The following ARPP21 variants were observed in gnomAD, a reference collection of about 807,000 sequenced individuals.
ARPP21 encodes the protein cAMP regulated phosphoprotein 21.
A neutral mutation model predicts 113.2 loss-of-function variants in ARPP21; 69 were observed. The observed-to-expected ratio is 0.61, with a 90% CI of 0.50 to 0.74. The LOEUF (loss-of-function observed/expected upper bound fraction) is 0.74. Ranked by LOEUF, ARPP21 falls within the 30% of genes least tolerant of loss-of-function variation. The pLI is 0.00. For missense variants in ARPP21, 1,070 were observed against 1,037.4 expected, an observed-to-expected ratio of 1.03 and a Z score of -0.43; for synonymous variants, 368 against 375.5, an observed-to-expected ratio of 0.98 and a Z score of 0.23.
At chr3:35,712,514 CTG>C (rs10579469) in intron 11 of ARPP21, among the ~76,000 whole-genome samples, 30,861 of 132,734 alleles carry the variant, frequency 0.23, 3,754 homozygotes, top group East Asian at 0.36. Flanking sequence ...TCTAAGGTGT[CTG>C]TGTGTGTGTG....
intron 14 of ARPP21, among the ~76,000 whole-genome samples, chr3:35,727,176 A>G (rs2093599701): frequency 6.6e-6 from 1 of 152,224 alleles, no homozygotes; most frequent in Non-Finnish European, 1.5e-5. Flanking sequence ...AGTCATGGGG[A>G]AAGCAAGAGA....
In ARPP21 at chr3:35,738,112, T is replaced by C. The variant is rs1474032085; in HGVS notation, c.1645-102T>C. 2.9e-4 allele frequency: 200 copies of C among 693,440 alleles called. 1 individual carries two copies. The South Asian group carries it at 3.4e-3, about 12-fold the overall frequency. 43.0% of individuals were successfully genotyped at this position (693,440 alleles called of 1,614,324 possible). Reference sequence around the variant, plus strand: ...TGGTGGCTAGTTCCCCTCTCTGGAGTGCACTGAACCTAGAGAGCCTATGAA... The same window carrying C: ...TGGTGGCTAGTTCCCCTCTCTGGAGCGCACTGAACCTAGAGAGCCTATGAA... On this transcript the variant is annotated intron_variant, in intron 16 of 20. Transcript: ENST00000684406.
At chr3:35,704,897 A>C (rs1303931565) in intron 9 of ARPP21, among the ~76,000 whole-genome samples, 2 of 152,052 alleles carry the variant, frequency 1.3e-5, no homozygotes, top group Admixed American at 6.6e-5. Flanking sequence ...TTAGTGCTTT[A>C]ATGCTTTTCA....
At chr3:35,735,617 G>A (rs902359159) in intron 15 of ARPP21, among the ~76,000 whole-genome samples, 1 of 152,186 alleles carries the variant, frequency 6.6e-6, no homozygotes, top group Admixed American at 6.5e-5. Flanking sequence ...GCAGAGCTCA[G>A]CATGCTGCCT....
At chr3:35,718,519 T>C (rs2092710592) in intron 13 of ARPP21, among the ~76,000 whole-genome samples, 1 of 152,082 alleles carries the variant, frequency 6.6e-6, no homozygotes, top group Non-Finnish European at 1.5e-5. Flanking sequence ...CCAGTTAGTT[T>C]TACATAATCC....
intron 1 of ARPP21, among the ~76,000 whole-genome samples, chr3:35,677,547 A>G (rs1013288895): frequency 1.3e-5 from 2 of 151,932 alleles, no homozygotes; most frequent in African/African-American, 4.8e-5. Context: ...CTGTAGCTTA[A>G]TTTGCAAACT....
Position 35,749,023 on chromosome 3 carries a change from A to T in ARPP21, c.2137+5058A>T, listed in dbSNP as rs528081336. ...ATGTGTTAAGCATTTTATTGGAACA[A>T]CTTAAACATGGTTACTAGTTTTGCC... On this transcript the variant is annotated intron_variant, in intron 19 of 20. Coordinates refer to ENST00000684406, the MANE Select transcript of ARPP21 (RefSeq NM_001385562.1). Among the ~76,000 whole-genome samples the T allele has an allele frequency of 4.6e-5, 7 of 152,346 alleles. No homozygotes were observed. In the East Asian group the frequency reaches 1.4e-3, roughly 29 times the overall value.
At chr3:35,740,499 A>C (rs1159808041) in intron 18 of ARPP21, among the ~76,000 whole-genome samples, 3 of 152,192 alleles carry the variant, frequency 2.0e-5, no homozygotes, top group Non-Finnish European at 4.4e-5. Flanking sequence ...AATAATTGTC[A>C]CTAAATTGTT....
intron 19 of ARPP21, chr3:35,785,082 G>A (rs2096601368): frequency 6.6e-6 from 1 of 152,094 alleles, no homozygotes; most frequent in Non-Finnish European, 1.5e-5. Flanking sequence ...TATTATCATG[G>A]GGACAGTTAT....
chr3:35,747,966 A>G (rs2095184030), intron 19 of ARPP21, among the ~76,000 whole-genome samples: 1 of 149,810 alleles, frequency 6.7e-6, no homozygotes, highest in Non-Finnish European at 1.5e-5. Context: ...AAAGAAAGAG[A>G]GAGAGAGAGA....
chr3:35,669,751 T>C (rs754161245), intron 1 of ARPP21, among the ~76,000 whole-genome samples: 1 of 152,192 alleles, frequency 6.6e-6, no homozygotes, highest in Non-Finnish European at 1.5e-5. Flanking sequence ...TATTGAAGTG[T>C]CTGTAAAGTA....
In ARPP21 at chr3:35,684,088, G is replaced by A. The variant is rs565138148; in HGVS notation, c.261+273G>A. The A allele has an allele frequency of 3.1e-5, 49 of 1,558,634 alleles. No homozygotes were observed. In the African/African-American group the frequency reaches 6.1e-4, roughly 19 times the overall value. ...AGATTAAAAGTTAAATAAAAAGTAGGCACAGTAGTGCTGAATTTTCCTCAA... is the reference window on the plus strand; with the variant it reads ...AGATTAAAAGTTAAATAAAAAGTAGACACAGTAGTGCTGAATTTTCCTCAA... On this transcript the variant is annotated intron_variant, in intron 5 of 20. Coordinates refer to ENST00000684406, the MANE Select transcript of ARPP21 (RefSeq NM_001385562.1).
chr3:35,789,393 T>A (rs1241611110), intron 19 of ARPP21, among the ~76,000 whole-genome samples: 1 of 152,196 alleles, frequency 6.6e-6, no homozygotes, highest in Admixed American at 6.5e-5. Context: ...GTGACATAAT[T>A]TAAAGAAATG....
chr3:35,780,766 AT>A (rs2096506581), intron 19 of ARPP21, among the ~76,000 whole-genome samples: 1 of 152,122 alleles, frequency 6.6e-6, no homozygotes, highest in African/African-American at 2.4e-5. Context: ...GCGTCTGGGC[AT>A]TAAGGCTTAG....
intron 19 of ARPP21, among the ~76,000 whole-genome samples, chr3:35,762,983 T>G (rs1288760318): frequency 6.6e-6 from 1 of 152,068 alleles, no homozygotes; most frequent in Non-Finnish European, 1.5e-5. Flanking sequence ...CCAGGTCTTC[T>G]GAGTATTAGA....
At chr3:35,760,541 A>G (rs1267455292) in intron 19 of ARPP21, among the ~76,000 whole-genome samples, 1 of 141,210 alleles carries the variant, frequency 7.1e-6, no homozygotes, top group Non-Finnish European at 1.5e-5. Context: ...AGGAGGAGGT[A>G]AAAAAAAAAA....
intron 11 of ARPP21, among the ~76,000 whole-genome samples, chr3:35,710,815 A>G (rs1300657250): frequency 6.6e-6 from 1 of 152,126 alleles, no homozygotes; most frequent in Non-Finnish European, 1.5e-5. Context: ...CTCATGGACA[A>G]AGAGAGGTCA....
Position 35,739,387 on chromosome 3 carries a change from C to T in ARPP21, c.1820C>T (p.Pro607Leu). 1.9e-6 allele frequency: 3 copies of T among 1,614,124 alleles called. No homozygotes were observed. Among genetic ancestry groups the T allele is most frequent in the Non-Finnish European group, 2.5e-6 (3 of 1,180,022 alleles). The change falls in exon 18 of 21, where the codon CCC becomes CTC. Residue 607 changes from proline (P) to leucine (L), a missense_variant. Physicochemically the swap from Pro to Leu is moderately conservative, Grantham distance 98 (BLOSUM62 -3). Coordinates refer to ENST00000684406, the MANE Select transcript of ARPP21 (RefSeq NM_001385562.1). ...CAGTCCTCGGGGGAGACTCCTGAAC[C>T]CCCATCAGGTCCTGTCTACCCATCC... ...SRQSSGETPE[P>L]PSGPVYPSSL...
chr3:35,771,930 TC>T (rs980088435), intron 19 of ARPP21, among the ~76,000 whole-genome samples: 30 of 152,352 alleles, frequency 2.0e-4, no homozygotes, highest in African/African-American at 6.3e-4. Flanking sequence ...GTTTGTTTAT[TC>T]TTAATCATGT....
Sources: allele counts gnomAD v4.1 joint callset (sites outside exome capture counted in the v4.1 genomes callset), GRCh38; gene constraint gnomAD v4.1.1; transcripts MANE v1.5; gene names NCBI Gene and HGNC (gene_info 2026-07-23, HGNC 2026-07-21).